Variants in DST observed in about 807,000 individuals in gnomAD.
DST encodes dystonin.
DST carries 253 observed loss-of-function variants against 875.2 expected under a neutral mutation model. That is an observed-to-expected ratio of 0.29 (90% CI 0.26 to 0.32). The LOEUF is 0.32. Ranked by LOEUF, DST falls within the 10% of genes least tolerant of loss-of-function variation. The pLI is 1.00. For synonymous variants in DST, 3,124 were observed against 3,197.1 expected (o/e 0.98, Z 0.77); for missense variants, 8,287 against 9,111.6 (o/e 0.91, Z 3.68).
At chr6:56,926,012 C>T (rs1806889093) in intron 2 of DST, among the ~76,000 whole-genome samples, 1 of 152,040 alleles carries the variant, frequency 6.6e-6, no homozygotes, top group Non-Finnish European at 1.5e-5. Context: ...TATATGCCTT[C>T]GAGTAAGCAG....
At chr6:56,804,774 C>T (rs948081432) in intron 4 of DST, among the ~76,000 whole-genome samples, 2 of 152,124 alleles carry the variant, frequency 1.3e-5, no homozygotes, top group African/African-American at 4.8e-5. Flanking sequence ...AAGAACACTT[C>T]TCGCCCATTA....
intron 37 of DST, 46 bp downstream of exon 37, chr6:56,614,310 G>A (rs749397925): frequency 2.0e-5 from 31 of 1,518,932 alleles, no homozygotes; most frequent in African/African-American, 9.8e-5. Context: ...CTCAGTTAAC[G>A]TCCCTGCTAT....
Position 56,630,338 on chromosome 6 carries a change from T to A in DST, c.4188A>T (p.Glu1396Asp). Reference sequence around the variant, plus strand: ...TAGTTTCATAGAGTTTTACGAGGGCTTCTGCAGCTTGAGTGTTTTTTAACA... The same window carrying A: ...TAGTTTCATAGAGTTTTACGAGGGCATCTGCAGCTTGAGTGTTTTTTAACA... ...NLVLKNTQAA[E>D]ALVKLYETKL... The change falls in exon 31 of 104, where the codon GAA becomes GAT. Residue 1396 changes from glutamate to aspartate, a missense_variant. Around this residue, in one of 10 missense-constraint regions of DST, gnomAD observed 3,138 missense variants for 3,116.6 expected, o/e 1.01. Coordinates refer to ENST00000680361, the MANE Select transcript of DST (RefSeq NM_001374736.1). 6.2e-7 allele frequency: 1 copy of A among 1,613,044 alleles called. No individual in the cohort carries two copies. Among genetic ancestry groups the A allele is most frequent in the Non-Finnish European group, 8.5e-7 (1 of 1,179,880 alleles).
chr6:56,789,818 G>A (rs757345620), intron 4 of DST, among the ~76,000 whole-genome samples: 3 of 152,150 alleles, frequency 2.0e-5, no homozygotes, highest in Non-Finnish European at 4.4e-5. Flanking sequence ...TCCATTGTAT[G>A]TACATACGAC....
At chr6:56,567,475 A>C (rs1303275516) in intron 55 of DST, among the ~76,000 whole-genome samples, 2 of 152,014 alleles carry the variant, frequency 1.3e-5, no homozygotes, top group African/African-American at 4.8e-5. Context: ...ACAACAACAA[A>C]AAAAACACTT....
chr6:56,938,082 T>TTCTCTCTCTCTCTCTC (rs144019912), intron 2 of DST, among the ~76,000 whole-genome samples: 6 of 131,698 alleles, frequency 4.6e-5, no homozygotes, highest in African/African-American at 1.6e-4. Context: ...CTCTCTCTCT[T>TTCTCTCTCTCTCTCTC]TCTCTCTCTC....
intron 61 of DST, among the ~76,000 whole-genome samples, chr6:56,546,654 C>A (rs1468484151): frequency 6.6e-6 from 1 of 151,908 alleles, no homozygotes; most frequent in African/African-American, 2.4e-5. Context: ...AAAATCGTAG[C>A]ATTTCCTTAT....
intron 71 of DST, among the ~76,000 whole-genome samples, chr6:56,516,332 A>C (rs1462938662): frequency 2.0e-5 from 3 of 152,148 alleles, no homozygotes; most frequent in African/African-American, 7.2e-5. Context: ...ATAAAGCACA[A>C]TCATAACTCA....
At chr6:56,823,035 G>C (rs376181666) in intron 4 of DST, among the ~76,000 whole-genome samples, 1 of 151,946 alleles carries the variant, frequency 6.6e-6, no homozygotes, top group Non-Finnish European at 1.5e-5. Flanking sequence ...ATTTCACCAC[G>C]TTGGCCAGGC....
chr6:56,811,252 C>T (rs935842353), intron 4 of DST, among the ~76,000 whole-genome samples: 32 of 144,144 alleles, frequency 2.2e-4, no homozygotes, highest in African/African-American at 8.2e-4. Context: ...ACCTGAGAGA[C>T]GAAGCAGGAA....
intron 23 of DST, 119 bp downstream of exon 23, chr6:56,636,434 ATATG>A (rs2098827565): frequency 1.4e-6 from 1 of 719,416 alleles, no homozygotes; most frequent in Non-Finnish European, 2.5e-6. Flanking sequence ...GTGTATATAT[ATATG>A]TGTGTATATA....
chr6:56,487,004 G>A, intron 87 of DST, 100 bp downstream of exon 87: 1 of 1,159,254 alleles, frequency 8.6e-7, no homozygotes, highest in Non-Finnish European at 1.2e-6. Context: ...CTCAGGCAAA[G>A]GAAATATTTA....
At chr6:56,922,053 A>T (rs191986489) in intron 2 of DST, among the ~76,000 whole-genome samples, 1 of 152,238 alleles carries the variant, frequency 6.6e-6, no homozygotes, top group East Asian at 1.9e-4. Context: ...CTCCATATAT[A>T]TATATCATTA....
rs146716869 is a variant in DST at position 56,619,876 on chromosome 6, T to C, written c.4929+4654A>G. ...CAAGCTGGAGGGCATTAAGTTCATATGTCAGCTCTCTCATGTCTTGTTCAG... is the reference window on the plus strand; with the variant it reads ...CAAGCTGGAGGGCATTAAGTTCATACGTCAGCTCTCTCATGTCTTGTTCAG... On this transcript the variant is annotated intron_variant, in intron 36 of 103. Coordinates refer to ENST00000680361, the MANE Select transcript of DST (RefSeq NM_001374736.1). The C allele has an allele frequency of 2.5e-6, 4 of 1,614,196 alleles. No individual in the cohort carries two copies. Among genetic ancestry groups the C allele is most frequent in the Non-Finnish European group, 3.4e-6 (4 of 1,180,040 alleles).
chr6:56,851,751 A>C, intron 3 of DST, 147 bp from the exon 4 acceptor site: 1 of 1,551,786 alleles, frequency 6.4e-7, no homozygotes, highest in South Asian at 1.2e-5. Flanking sequence ...AGCTGAGGGA[A>C]TATGCAGAAA....
intron 2 of DST, among the ~76,000 whole-genome samples, chr6:56,909,801 G>A (rs1798061408): frequency 6.6e-6 from 1 of 152,178 alleles, no homozygotes; most frequent in Non-Finnish European, 1.5e-5. Context: ...CAAAGGTCCT[G>A]CCCCTTACTG....
intron 56 of DST, 93 bp from the exon 57 acceptor site, chr6:56,561,642 CA>C: frequency 7.9e-7 from 1 of 1,265,072 alleles, no homozygotes; most frequent in East Asian, 2.3e-5. Flanking sequence ...GGTATTTTGT[CA>C]CTTCTAGCTT....
At chr6:56,510,409 A>G (rs1241591588) in intron 73 of DST, among the ~76,000 whole-genome samples, 2 of 152,134 alleles carry the variant, frequency 1.3e-5, no homozygotes, top group African/African-American at 4.8e-5. Flanking sequence ...AAAAATGTTA[A>G]AAAAAATTTT....
intron 3 of DST, among the ~76,000 whole-genome samples, chr6:56,880,734 G>T (rs1379138830): frequency 6.9e-6 from 1 of 145,062 alleles, no homozygotes; most frequent in Admixed American, 6.9e-5. Flanking sequence ...GTGCTGTTCT[G>T]TTTTTCAACT....
Sources: gnomAD v4.1 joint callset for allele counts (sites outside exome capture counted in the v4.1 genomes callset) on GRCh38, gnomAD v4.1.1 for gene constraint, gnomAD v4.1.1 regional missense constraint, MANE v1.5 for transcripts, NCBI Gene and HGNC (gene_info 2026-07-23, HGNC 2026-07-21) for gene names.